The following THRB variants were observed in gnomAD, a reference collection of about 807,000 sequenced individuals.
THRB encodes the protein nuclear receptor subfamily 1 group A member 2.
THRB carries 12 observed loss-of-function variants against 47.8 expected under a neutral mutation model. The ratio of observed to expected loss-of-function variants is 0.25; its 90% CI spans 0.16 to 0.41. THRB has a LOEUF of 0.41. Among genes scored for constraint, THRB ranks in the 10% least tolerant of loss-of-function variants. The pLI is 1.00. For missense variants in THRB, 348 were observed against 589.2 expected (o/e 0.59, Z 4.24); for synonymous variants, 218 against 212.2 (o/e 1.03, Z -0.24).
chr3:24,457,081 T>C (rs1412251713), intron 1 of THRB, among the ~76,000 whole-genome samples: 1 of 152,186 alleles, frequency 6.6e-6, no homozygotes, highest in Non-Finnish European at 1.5e-5. Flanking sequence ...AAATTATTAA[T>C]TCACAGAAAC....
At chr3:24,219,190 T>C (rs532712270) in intron 4 of THRB, among the ~76,000 whole-genome samples, 2 of 152,184 alleles carry the variant, frequency 1.3e-5, no homozygotes, top group Admixed American at 1.3e-4. Context: ...GATGGGAGGA[T>C]TAACTGAGTC....
intron 1 of THRB, among the ~76,000 whole-genome samples, chr3:24,433,791 TCA>T (rs1458602013): frequency 6.6e-6 from 1 of 152,094 alleles, no homozygotes; most frequent in Non-Finnish European, 1.5e-5. Context: ...GTGACTGCCC[TCA>T]GTTATTTCCC....
chr3:24,264,046 C>A (rs1168730289), intron 3 of THRB, among the ~76,000 whole-genome samples: 4 of 152,164 alleles, frequency 2.6e-5, no homozygotes, highest in African/African-American at 9.7e-5. Context: ...CATGTCAGTT[C>A]ATTTAATCCC....
intron 1 of THRB, among the ~76,000 whole-genome samples, chr3:24,462,210 A>G (rs1369186535): frequency 6.6e-6 from 1 of 152,134 alleles, no homozygotes; most frequent in Non-Finnish European, 1.5e-5. Context: ...AAAGGGCCCC[A>G]GATGGCAAGG....
chr3:24,475,871 G>A (rs377679187), intron 1 of THRB, among the ~76,000 whole-genome samples: 1 of 152,142 alleles, frequency 6.6e-6, no homozygotes, highest in South Asian at 2.1e-4. Flanking sequence ...TTCCTTAAAA[G>A]CATATGTAAA....
chr3:24,263,582 T>C (rs866935088), intron 3 of THRB, among the ~76,000 whole-genome samples: 3 of 151,826 alleles, frequency 2.0e-5, no homozygotes, highest in Middle Eastern at 6.8e-3. Context: ...AATGACACAC[T>C]AGATAGTAAA....
chr3:24,253,104 G>C (rs1259653302), intron 3 of THRB, among the ~76,000 whole-genome samples: 1 of 152,134 alleles, frequency 6.6e-6, no homozygotes, highest in African/African-American at 2.4e-5. Flanking sequence ...AAAAATTTGA[G>C]GTAACACTCA....
At chr3:24,193,768 AG>A (rs1360873453) in intron 4 of THRB, among the ~76,000 whole-genome samples, 7 of 152,242 alleles carry the variant, frequency 4.6e-5, no homozygotes, top group African/African-American at 1.4e-4. Context: ...TCCTACTACT[AG>A]GTATCTACCC....
At chr3:24,282,762 G>C (rs1404776038) in intron 3 of THRB, among the ~76,000 whole-genome samples, 8 of 149,758 alleles carry the variant, frequency 5.3e-5, no homozygotes, top group Admixed American at 2.6e-4. Context: ...TATCACCACC[G>C]ATCCCACAGA....
intron 3 of THRB, among the ~76,000 whole-genome samples, chr3:24,239,925 G>A (rs2049311573): frequency 6.6e-6 from 1 of 152,084 alleles, no homozygotes; most frequent in African/African-American, 2.4e-5. Context: ...ATACTTAAAT[G>A]CCCTGTTTAT....
intron 4 of THRB, among the ~76,000 whole-genome samples, chr3:24,207,893 AG>A (rs1480885554): frequency 6.6e-6 from 1 of 152,220 alleles, no homozygotes; most frequent in East Asian, 1.9e-4. Context: ...TTAGGAAAAG[AG>A]GAAGTCAAAT....
At position 24,181,987 on chromosome 3, in the gene THRB, T is replaced by G. The variant is rs62256761; in HGVS notation, c.283+8087A>C. Among the ~76,000 whole-genome samples the G allele has an allele frequency of 6.0e-3, 912 of 151,944 alleles. 9 individuals carry two copies. The highest frequency in any genetic ancestry group is 0.044 in the South Asian group (209 of 4,802). Reference sequence around the variant, plus strand: ...GAGGCCAAGGTGGGCGGATCACGAGTTCAGGAGATCGAGACCATCCTGGCT... The same window carrying G: ...GAGGCCAAGGTGGGCGGATCACGAGGTCAGGAGATCGAGACCATCCTGGCT... On this transcript the variant is annotated intron_variant, in intron 5 of 10. Transcript: ENST00000646209.
intron 10 of THRB, among the ~76,000 whole-genome samples, chr3:24,124,294 T>C (rs1002901078): frequency 6.6e-6 from 1 of 152,198 alleles, no homozygotes; most frequent in African/African-American, 2.4e-5. Context: ...ATTTTTATCT[T>C]GTGTTTTCCT....
rs189103551 is a variant in THRB, at chr3:24,410,227, G to A, written c.-260-72856C>T. 1.2e-3 allele frequency among the ~76,000 whole-genome samples: 186 copies of A among 151,948 alleles called. 1 individual carries two copies. Among genetic ancestry groups the A allele is most frequent in the Admixed American group, 7.7e-3 (117 of 15,246 alleles). On this transcript the variant is annotated intron_variant, in intron 1 of 10. Coordinates refer to ENST00000646209, the MANE Select transcript of THRB (RefSeq NM_001354712.2). ...TCCCTACTGGGAAAATGTGGCTTGG[G>A]ATTGGATGAGTATGATCAAAATTCA...
At chr3:24,468,065 T>C (rs1416862861) in intron 1 of THRB, among the ~76,000 whole-genome samples, 1 of 152,254 alleles carries the variant, frequency 6.6e-6, no homozygotes, top group Admixed American at 6.5e-5. Flanking sequence ...ACATAGGCAC[T>C]GGTGCTTCAT....
At chr3:24,456,118 C>T (rs1250131713) in intron 1 of THRB, among the ~76,000 whole-genome samples, 1 of 151,988 alleles carries the variant, frequency 6.6e-6, no homozygotes, top group East Asian at 1.9e-4. Flanking sequence ...TGCTTGAGGT[C>T]AAGAGTTTGA....
At chr3:24,304,054 T>C (rs925639125) in intron 2 of THRB, among the ~76,000 whole-genome samples, 3 of 152,058 alleles carry the variant, frequency 2.0e-5, no homozygotes, top group Non-Finnish European at 4.4e-5. Context: ...TATTTTTTTT[T>C]AGTCTGTATT....
intron 5 of THRB, among the ~76,000 whole-genome samples, chr3:24,160,483 G>C (rs1274470412): frequency 3.3e-5 from 5 of 152,172 alleles, no homozygotes; most frequent in Non-Finnish European, 5.9e-5. Flanking sequence ...AGGAAAGCAG[G>C]TGTGTGGGGT....
intron 1 of THRB, among the ~76,000 whole-genome samples, chr3:24,419,898 A>T (rs1246494539): frequency 2.0e-5 from 3 of 151,788 alleles, no homozygotes; most frequent in East Asian, 3.9e-4. Flanking sequence ...GTAGGTATTT[A>T]TTATCTCAAC....
Sources: allele counts gnomAD v4.1 joint callset (sites outside exome capture counted in the v4.1 genomes callset), GRCh38; gene constraint gnomAD v4.1.1; transcripts MANE v1.5; gene names NCBI Gene and HGNC (gene_info 2026-07-23, HGNC 2026-07-21).